FYB1: variants seen among roughly 807,000 people sequenced by gnomAD.
FYB1 encodes the protein FYN binding protein 1, also known as FYN-binding protein 1.
FYB1 carries 41 observed loss-of-function variants against 94.1 expected under a neutral mutation model. The ratio of observed to expected loss-of-function variants is 0.44; its 90% CI spans 0.34 to 0.57. The LOEUF is 0.57. Ranked by LOEUF, FYB1 falls within the 20% of genes least tolerant of loss-of-function variation. FYB1 has a pLI of 0.02. For synonymous variants in FYB1, 367 were observed against 353.2 expected (o/e 1.04, Z -0.44); for missense variants, 1,050 against 976.8 (o/e 1.07, Z -1.00).
chr5:39,190,804 T>C (rs1359479406), intron 2 of FYB1, among the ~76,000 whole-genome samples: 1 of 60,882 alleles, frequency 1.6e-5, no homozygotes, highest in East Asian at 3.8e-4. Flanking sequence ...GAGAGAGATG[T>C]TGGCTTTGTT....
Position 39,118,956 on chromosome 5 carries a change from T to G in FYB1, c.2319A>C (p.Leu773=), listed in dbSNP as rs1256946677. Reference sequence around the variant, plus strand: ...CTAGAGATTCACCAGGTTTTACCTGTAGATCTCTGGTTCCCCACTTTTTAG... The same window carrying G: ...CTAGAGATTCACCAGGTTTTACCTGGAGATCTCTGGTTCCCCACTTTTTAG... ...ITSKKWGTRD[L]QVKPGESLEV... The change falls in exon 16 of 19, where the codon CTA becomes CTC. Residue 773 remains leucine (L), a synonymous_variant. Transcript: ENST00000512982. 3.2e-6 allele frequency: 5 copies of G among 1,575,586 alleles called. No homozygotes were observed. Among genetic ancestry groups the G allele is most frequent in the Non-Finnish European group, 4.3e-6 (5 of 1,154,882 alleles).
chr5:39,193,323 T>C (rs1269047457), intron 2 of FYB1, among the ~76,000 whole-genome samples: 1 of 152,226 alleles, frequency 6.6e-6, no homozygotes, highest in Non-Finnish European at 1.5e-5. Flanking sequence ...AGTATTTAGT[T>C]GGTATTTAAA....
At chr5:39,160,161 G>T (rs1304793748) in intron 2 of FYB1, among the ~76,000 whole-genome samples, 1 of 152,136 alleles carries the variant, frequency 6.6e-6, no homozygotes, top group Non-Finnish European at 1.5e-5. Flanking sequence ...ATGAAGACTT[G>T]GTTAAGTTGC....
intron 16 of FYB1, among the ~76,000 whole-genome samples, chr5:39,115,938 T>A (rs1269252684): frequency 6.6e-6 from 1 of 152,194 alleles, no homozygotes; most frequent in Non-Finnish European, 1.5e-5. Context: ...ACTGATGGCT[T>A]TTCTCTGGCT....
chr5:39,133,553 A>G lies in FYB1; in HGVS notation c.1817+655T>C, dbSNP rs1485130515. On this transcript the variant is annotated intron_variant, in intron 9 of 18. Coordinates refer to ENST00000512982, the MANE Select transcript of FYB1 (RefSeq NM_001465.6). ...AAGCAGAAGACTAAGAAAGGAAAGA[A>G]GAGAAGGAGAGGTACAAGGGAGGGA... Among the ~76,000 whole-genome samples the G allele has an allele frequency of 2.0e-5, 3 of 152,270 alleles. No homozygotes were observed. In the East Asian group the frequency reaches 5.8e-4, roughly 29 times the overall value.
intron 2 of FYB1, among the ~76,000 whole-genome samples, chr5:39,158,980 T>A (rs1235993527): frequency 6.6e-6 from 1 of 152,190 alleles, no homozygotes; most frequent in Non-Finnish European, 1.5e-5. Context: ...TTAATCTCCA[T>A]GTGATTTAGT....
rs372110249 is a variant in FYB1 at position 39,134,319 on chromosome 5, A to C, written c.1706T>G (p.Ile569Ser). The change falls in exon 9 of 19, where the codon ATT (isoleucine) becomes AGT (serine). Residue 569 changes from isoleucine to serine, a missense_variant. Physicochemically the swap from Ile to Ser is moderately radical, Grantham distance 142. Coordinates refer to ENST00000512982, the MANE Select transcript of FYB1 (RefSeq NM_001465.6). Reference sequence around the variant, plus strand: ...TTTCAGTTTCAAAGAATCATAGTCAATCTCTACAGCAGTTGTTTTAATATA... The same window carrying C: ...TTTCAGTTTCAAAGAATCATAGTCACTCTCTACAGCAGTTGTTTTAATATA... ...YGYIKTTAVEIDYDSLKLKKD... is the reference protein window; with the variant it reads ...YGYIKTTAVESDYDSLKLKKD... The C allele has an allele frequency of 6.2e-7, 1 of 1,611,804 alleles. No homozygotes were observed. The highest frequency in any genetic ancestry group is 8.5e-7 in the Non-Finnish European group (1 of 1,178,254).
At chr5:39,269,106 G>C (rs935185043) in intron 1 of FYB1, among the ~76,000 whole-genome samples, 1 of 152,004 alleles carries the variant, frequency 6.6e-6, no homozygotes, top group Non-Finnish European at 1.5e-5. Flanking sequence ...CTAGAGCGCA[G>C]TGGCGTGATC....
chr5:39,164,827 A>G (rs1744576385), intron 2 of FYB1, among the ~76,000 whole-genome samples: 1 of 152,228 alleles, frequency 6.6e-6, no homozygotes, highest in African/African-American at 2.4e-5. Flanking sequence ...CCAGGAAGCA[A>G]GCTTTTCCTT....
chr5:39,137,450 C>G lies in FYB1; in HGVS notation c.1515+150G>C, dbSNP rs540349257. On this transcript the variant is annotated intron_variant, in intron 7 of 18. Coordinates refer to ENST00000512982, the MANE Select transcript of FYB1 (RefSeq NM_001465.6). ...TTCAGGGATAAAATGGTGTATTGGACAAAAAAGTACTGTTATGAAGATAAT... is the reference window on the plus strand; with the variant it reads ...TTCAGGGATAAAATGGTGTATTGGAGAAAAAAGTACTGTTATGAAGATAAT... The G allele has an allele frequency of 3.2e-5, 28 of 869,140 alleles. No homozygotes were observed. In the South Asian group the frequency reaches 5.6e-4, roughly 17 times the overall value. The allele number at this position is 869,140 out of a possible 1,614,324, so 53.8% of individuals were successfully genotyped here. A position where few individuals can be genotyped will look rare whatever the true frequency, so the allele number is the denominator to read the frequency against.
intron 1 of FYB1, among the ~76,000 whole-genome samples, chr5:39,268,228 A>G (rs1344657496): frequency 1.3e-5 from 2 of 150,616 alleles, no homozygotes; most frequent in Non-Finnish European, 3.0e-5. Context: ...GTATATTTAT[A>G]TTTCTTTTTT....
intron 1 of FYB1, among the ~76,000 whole-genome samples, chr5:39,251,204 A>G (rs553487074): frequency 6.6e-6 from 1 of 152,340 alleles, no homozygotes; most frequent in East Asian, 1.9e-4. Context: ...GTTTCTTGAG[A>G]TAATAAGAAG....
chr5:39,122,339 A>G lies in FYB1; in HGVS notation c.2135T>C (p.Met712Thr), dbSNP rs559283361. Residue 712 changes from methionine to threonine, a missense_variant, in exon 14 of 19, where the codon ATG becomes ACG. Transcript: ENST00000512982. ...TSDFPVSSAE[M>T]SQGTNVGKAK... Reference sequence around the variant, plus strand: ...GTAATGAAAGCATTTTAATTACCTCATCTCTGCTGATGAAACAGGGAAATC... The same window carrying G: ...GTAATGAAAGCATTTTAATTACCTCGTCTCTGCTGATGAAACAGGGAAATC... The G allele has an allele frequency of 3.7e-5, 58 of 1,556,574 alleles. 1 individual carries two copies. The South Asian group carries it at 5.4e-4, about 14-fold the overall frequency.
intron 2 of FYB1, among the ~76,000 whole-genome samples, chr5:39,181,892 A>ATACT (rs1486329659): frequency 6.6e-6 from 1 of 152,116 alleles, no homozygotes; most frequent in Non-Finnish European, 1.5e-5. Flanking sequence ...TGTGGTAAGA[A>ATACT]TACTTAACAT....
At chr5:39,236,700 A>G (rs1661859) in intron 1 of FYB1, among the ~76,000 whole-genome samples, 25,640 of 152,116 alleles carry the variant, frequency 0.17, 5,767 homozygotes, top group African/African-American at 0.5. Flanking sequence ...GTTATTAACC[A>G]GCAAATTAAA....
intron 1 of FYB1, among the ~76,000 whole-genome samples, chr5:39,225,098 C>T (rs1750415854): frequency 6.6e-6 from 1 of 152,122 alleles, no homozygotes; most frequent in Admixed American, 6.6e-5. Flanking sequence ...CCTTTAGTCT[C>T]TTCCTGATTT....
At chr5:39,222,357 G>A (rs1750304826), upstream of FYB1, among the ~76,000 whole-genome samples, 1 of 152,146 alleles carries the variant, frequency 6.6e-6, no homozygotes, top group Admixed American at 6.5e-5. Context: ...CATACAGAAG[G>A]CACTTTATAA....
At chr5:39,181,480 TA>T (rs1186702636) in intron 2 of FYB1, among the ~76,000 whole-genome samples, 3 of 152,168 alleles carry the variant, frequency 2.0e-5, no homozygotes, top group Admixed American at 1.3e-4. Context: ...GGTAGAATTA[TA>T]AAAACTCAGA....
chr5:39,202,012 G>T lies in FYB1; in HGVS notation c.949C>A (p.Pro317Thr). 3 of 1,613,986 alleles carry T rather than the reference G, an allele frequency of 1.9e-6. No individual in the cohort carries two copies. The highest frequency in any genetic ancestry group is 1.7e-6 in the Non-Finnish European group (2 of 1,179,886). Residue 317 changes from proline (P) to threonine (T), a missense_variant, in exon 2 of 19, where the codon CCT (proline) becomes ACT (threonine). Pro to Thr is a conservative substitution (Grantham distance 38, BLOSUM62 -1). Transcript: ENST00000512982. The part of the protein sequence containing the change: ...GTPPARFPKA[P>T]SKLTVGGPWG... ...GGCCCCCCCACTGTCAGCTTAGAAG[G>T]GGCCTTAGGGAACCTGGCAGGAGGA...
Sources: allele counts gnomAD v4.1 joint callset (sites outside exome capture counted in the v4.1 genomes callset), GRCh38; gene constraint gnomAD v4.1.1; transcripts MANE v1.5; gene names NCBI Gene and HGNC (gene_info 2026-07-23, HGNC 2026-07-21).